Variants in PXDNL observed in about 807,000 individuals in gnomAD.
PXDNL encodes peroxidasin like.
In PXDNL, 145 loss-of-function variants were observed where a neutral mutation model predicts 150.8. The observed-to-expected ratio is 0.96, with a 90% CI of 0.84 to 1.10. The LOEUF (loss-of-function observed/expected upper bound fraction) is 1.10, where lower values mean the gene tolerates loss of function less well. Among genes scored for constraint, PXDNL ranks in the 50% least tolerant of loss-of-function variants. The pLI, the probability that PXDNL is intolerant of heterozygous loss-of-function variation, is 0.00. For synonymous variants in PXDNL, 757 were observed against 725.7 expected (o/e 1.04, Z -0.69); for missense variants, 2,087 against 1,873.9 (o/e 1.11, Z -2.10).
intron 8 of PXDNL, among the ~76,000 whole-genome samples, chr8:51,460,845 C>T (rs1810060476): frequency 6.6e-6 from 1 of 152,136 alleles, no homozygotes; most frequent in African/African-American, 2.4e-5. Flanking sequence ...AAAATGTGAC[C>T]ATAGGTGCCC....
At chr8:51,806,467 A>C (rs1404734836) in intron 1 of PXDNL, among the ~76,000 whole-genome samples, 1 of 152,178 alleles carries the variant, frequency 6.6e-6, no homozygotes, top group Non-Finnish European at 1.5e-5. Flanking sequence ...TTTTTCCCAT[A>C]ATTGTTATTG....
intron 3 of PXDNL, among the ~76,000 whole-genome samples, chr8:51,581,896 T>G (rs1348277050): frequency 6.6e-6 from 1 of 152,178 alleles, no homozygotes; most frequent in Non-Finnish European, 1.5e-5. Context: ...CTTATTCATA[T>G]GCCTGTTCAG....
At chr8:51,634,509 T>G (rs1165958009) in intron 2 of PXDNL, among the ~76,000 whole-genome samples, 1 of 152,154 alleles carries the variant, frequency 6.6e-6, no homozygotes, top group East Asian at 1.9e-4. Context: ...TTTACAATTC[T>G]GTGAAAAATG....
chr8:51,614,250 T>C (rs889289816), intron 2 of PXDNL, among the ~76,000 whole-genome samples: 3 of 152,252 alleles, frequency 2.0e-5, no homozygotes, highest in Non-Finnish European at 4.4e-5. Flanking sequence ...TAAATTAAGA[T>C]TAGCCTAAAG....
intron 4 of PXDNL, among the ~76,000 whole-genome samples, chr8:51,540,949 A>AT (rs113417763): frequency 2.4e-3 from 348 of 147,580 alleles, no homozygotes; most frequent in African/African-American, 5.8e-3. Context: ...AGATGTTGTT[A>AT]TTTTTTTTTT....
chr8:51,694,707 A>G (rs1816078965), intron 1 of PXDNL, among the ~76,000 whole-genome samples: 1 of 152,212 alleles, frequency 6.6e-6, no homozygotes, highest in African/African-American at 2.4e-5. Flanking sequence ...TAACCTCTCT[A>G]TTCTCCAGCT....
At chr8:51,413,288 A>T (rs575561345) in intron 14 of PXDNL, 30 bp from the exon 15 acceptor site, 1 of 1,366,228 alleles carries the variant, frequency 7.3e-7, no homozygotes, top group African/African-American at 1.4e-5. Flanking sequence ...GATTAAAAAT[A>T]TCAAACAGAC....
intron 17 of PXDNL, among the ~76,000 whole-genome samples, chr8:51,402,787 C>T (rs1808296512): frequency 6.6e-6 from 1 of 151,898 alleles, no homozygotes; most frequent in African/African-American, 2.4e-5. Flanking sequence ...AGTGGCCAGG[C>T]GTGGTGTAAT....
chr8:51,361,937 CAAAAAAAAAAAAAAAA>C lies in PXDNL; in HGVS notation c.3901+9920_3901+9935del, dbSNP rs57092440. Among the ~76,000 whole-genome samples, 3 of 58,052 alleles carry C rather than the reference CAAAAAAAAAAAAAAAA, an allele frequency of 5.2e-5. 1 individual carries two copies. Among genetic ancestry groups the C allele is most frequent in the African/African-American group, 7.0e-5 (1 of 14,254 alleles). 38.1% of individuals were successfully genotyped at this position (58,052 alleles called of 152,430 possible). On this transcript the variant is annotated intron_variant, in intron 19 of 22. Transcript: ENST00000356297. ...TGGGCAACAGAGTGAGATTCCATCT[CAAAAAAAAAAAAAAAA>C]AAAAAAAAAAAAGAAAAGAAAAGAA...
intron 1 of PXDNL, among the ~76,000 whole-genome samples, chr8:51,686,383 A>G (rs1352239685): frequency 1.3e-5 from 2 of 152,238 alleles, no homozygotes; most frequent in Middle Eastern, 3.2e-3. Flanking sequence ...TAACAGAAGC[A>G]TGGAAGCCTC....
chr8:51,802,127 G>C (rs1435364986), intron 1 of PXDNL, among the ~76,000 whole-genome samples: 2 of 151,310 alleles, frequency 1.3e-5, no homozygotes, highest in Admixed American at 6.6e-5. Flanking sequence ...GAAGTTAGTA[G>C]ACAGGAATTT....
chr8:51,546,996 C>G (rs1360547339), intron 4 of PXDNL, among the ~76,000 whole-genome samples: 1 of 152,126 alleles, frequency 6.6e-6, no homozygotes, highest in Non-Finnish European at 1.5e-5. Flanking sequence ...CGCAGCAAGC[C>G]CCACCAAAGA....
At position 51,698,493 on chromosome 8, in the gene PXDNL, T is replaced by C. The variant is rs534052344; in HGVS notation, c.165-43733A>G. Among the ~76,000 whole-genome samples the C allele has an allele frequency of 3.9e-5, 6 of 152,334 alleles. No homozygotes were observed. The South Asian group carries it at 8.3e-4, about 21-fold the overall frequency. On this transcript the variant is annotated intron_variant, in intron 1 of 22. Coordinates refer to ENST00000356297, the MANE Select transcript of PXDNL (RefSeq NM_144651.5). Reference sequence around the variant, plus strand: ...ATTTAGTCACATCCTCAGGCTCCACTTCTAATTTTAGTTCTCTTGCTATTT... The same window carrying C: ...ATTTAGTCACATCCTCAGGCTCCACCTCTAATTTTAGTTCTCTTGCTATTT...
At chr8:51,534,920 A>G (rs1468568202) in intron 4 of PXDNL, among the ~76,000 whole-genome samples, 4 of 73,392 alleles carry the variant, frequency 5.5e-5, no homozygotes, top group Non-Finnish European at 9.2e-5. Flanking sequence ...GCCCCTAGGA[A>G]GTGAGGACCC....
chr8:51,374,536 T>A (rs1255840934), intron 18 of PXDNL, 61 bp downstream of exon 18: 1 of 1,525,156 alleles, frequency 6.6e-7, no homozygotes, highest in African/African-American at 1.4e-5. Context: ...GTTAAACATA[T>A]ACATTTTGGG....
intron 2 of PXDNL, among the ~76,000 whole-genome samples, chr8:51,632,822 GA>G (rs1307691492): frequency 6.6e-6 from 1 of 152,044 alleles, no homozygotes; most frequent in African/African-American, 2.4e-5. Flanking sequence ...AGTAAAACTG[GA>G]AAATTCATAA....
chr8:51,565,321 AATAGATAGATAG>A lies in PXDNL; in HGVS notation c.309-8422_309-8411del, dbSNP rs367721031. Among the ~76,000 whole-genome samples the A allele has an allele frequency of 4.1e-3, 553 of 135,578 alleles. 9 individuals are homozygous for A. Among genetic ancestry groups the A allele is most frequent in the African/African-American group, 0.016 (499 of 31,202 alleles). 88.9% of individuals were successfully genotyped at this position (135,578 alleles called of 152,430 possible). ...AAATAAATAAATAAATAAATAAATA[AATAGATAGATAG>A]ATAGATAGATAAATAAATAAATACA... On this transcript the variant is annotated intron_variant, in intron 3 of 22. Transcript: ENST00000356297.
intron 1 of PXDNL, among the ~76,000 whole-genome samples, chr8:51,672,055 C>T (rs889366172): frequency 2.6e-5 from 4 of 152,164 alleles, no homozygotes; most frequent in Admixed American, 2.6e-4. Flanking sequence ...CATCTCAGCT[C>T]ACCACAAAAT....
chr8:51,807,914 C>G (rs1243007084), intron 1 of PXDNL, among the ~76,000 whole-genome samples: 1 of 152,230 alleles, frequency 6.6e-6, no homozygotes, highest in Non-Finnish European at 1.5e-5. Flanking sequence ...GGTTCTGAGT[C>G]TGAAGGCACT....
Sources: gnomAD v4.1 joint callset for allele counts (sites outside exome capture counted in the v4.1 genomes callset) on GRCh38, gnomAD v4.1.1 for gene constraint, MANE v1.5 for transcripts, NCBI Gene and HGNC (gene_info 2026-07-23, HGNC 2026-07-21) for gene names.